TRAPPC12: variants seen among roughly 807,000 people sequenced by gnomAD.
TRAPPC12 encodes TPR repeat protein 15.
A neutral mutation model predicts 69.2 loss-of-function variants in TRAPPC12; 61 were observed. That is an observed-to-expected ratio of 0.88 (90% CI 0.72 to 1.09). The LOEUF (loss-of-function observed/expected upper bound fraction) is 1.09, where lower values mean the gene tolerates loss of function less well. TRAPPC12 is among the 50% of genes least tolerant of loss of function. The pLI, the probability that TRAPPC12 is intolerant of heterozygous loss-of-function variation, is 0.00. For synonymous variants in TRAPPC12, 469 were observed against 438.9 expected, an observed-to-expected ratio of 1.07 and a Z score of -0.86; for missense variants, 1,101 against 1,016.4, an observed-to-expected ratio of 1.08 and a Z score of -1.13.
At chr2:3,442,326 A>T (rs62120511) in intron 5 of TRAPPC12, among the ~76,000 whole-genome samples, 23,539 of 152,188 alleles carry the variant, frequency 0.15, 2,100 homozygotes, top group Non-Finnish European at 0.2. Context: ...ACCACACAGG[A>T]GTGATTCTGG....
chr2:3,426,318 C>T (rs1424150160), intron 5 of TRAPPC12, among the ~76,000 whole-genome samples: 1 of 152,212 alleles, frequency 6.6e-6, no homozygotes, highest in African/African-American at 2.4e-5. Flanking sequence ...GCTAGGTAGC[C>T]ACAGAGTCAA....
chr2:3,466,129 G>T, intron 9 of TRAPPC12: 4 of 405,896 alleles, frequency 9.9e-6, no homozygotes, highest in South Asian at 7.3e-5. Flanking sequence ...CACAAAGCTC[G>T]GCAGGACCCC....
intron 9 of TRAPPC12, among the ~76,000 whole-genome samples, chr2:3,473,077 T>TCAAG (rs901025309): frequency 2.0e-5 from 3 of 152,162 alleles, no homozygotes; most frequent in African/African-American, 7.2e-5. Flanking sequence ...GAAGGCAAGG[T>TCAAG]CAAGCTTGTC....
chr2:3,445,950 C>T (rs533830201), intron 6 of TRAPPC12, among the ~76,000 whole-genome samples: 261 of 152,346 alleles, frequency 1.7e-3, no homozygotes, highest in Non-Finnish European at 3.1e-3. Flanking sequence ...CTGGGCTGGG[C>T]CCTCCTGAGA....
chr2:3,420,794 C>T (rs1055913361), intron 3 of TRAPPC12, among the ~76,000 whole-genome samples: 3 of 152,054 alleles, frequency 2.0e-5, no homozygotes, highest in South Asian at 2.1e-4. Context: ...GTGCAGGAGG[C>T]GTGGAAAGGG....
rs887489481 is a variant in TRAPPC12 at position 3,387,615 on chromosome 2, T to G, written c.-4-5T>G. ...CAGGGGCCTTCTCTCTGTCTTTGCT[T>G]TCAGGGTCATGGAGGACGCTGGCGG... On this transcript the variant is annotated splice_region_variant and splice_polypyrimidine_tract_variant and intron_variant, in intron 1 of 11. Transcript: ENST00000324266. 2 of 1,522,938 alleles carry G rather than the reference T, an allele frequency of 1.3e-6. No homozygotes were observed. The highest frequency in any genetic ancestry group is 2.8e-5 in the African/African-American group (2 of 71,816). 94.3% of individuals were successfully genotyped at this position (1,522,938 alleles called of 1,614,324 possible).
intron 2 of TRAPPC12, among the ~76,000 whole-genome samples, chr2:3,400,768 ACT>A (rs1349542351): frequency 6.6e-6 from 1 of 152,052 alleles, no homozygotes; most frequent in Non-Finnish European, 1.5e-5. Flanking sequence ...CATACAACAG[ACT>A]TGGTAACTTC....
chr2:3,459,305 G>C (rs550453608), intron 7 of TRAPPC12, among the ~76,000 whole-genome samples: 1 of 152,242 alleles, frequency 6.6e-6, no homozygotes, highest in Non-Finnish European at 1.5e-5. Flanking sequence ...CAGCACAGGC[G>C]CAAGGAGCGC....
chr2:3,441,694 TATA>T (rs1339195394), intron 5 of TRAPPC12, among the ~76,000 whole-genome samples: 1 of 149,778 alleles, frequency 6.7e-6, no homozygotes, highest in African/African-American at 2.4e-5. Flanking sequence ...TTTATTTTCT[TATA>T]ATAAAATAAT....
chr2:3,409,750 TAAAAAAAAAAAAAAA>T (rs71396989), intron 3 of TRAPPC12, among the ~76,000 whole-genome samples: 6 of 54,914 alleles, frequency 1.1e-4, no homozygotes, highest in East Asian at 4.6e-4. Flanking sequence ...ACTTTGTCTT[TAAAAAAAAAAAAAAA>T]AAAAAAAAAA....
intron 3 of TRAPPC12, among the ~76,000 whole-genome samples, chr2:3,404,307 T>C (rs1661610958): frequency 6.6e-6 from 1 of 152,192 alleles, no homozygotes; most frequent in African/African-American, 2.4e-5. Flanking sequence ...TAGTGTTCTA[T>C]TGTCAGCAGA....
intron 5 of TRAPPC12, among the ~76,000 whole-genome samples, chr2:3,433,332 G>T (rs1663555108): frequency 6.6e-6 from 1 of 152,254 alleles, no homozygotes. Flanking sequence ...AAACTTGTAA[G>T]TTTGTGCCTT....
Position 3,443,900 on chromosome 2 carries a change from C to T in TRAPPC12, c.1530+9C>T, listed in dbSNP as rs373873784. The T allele has an allele frequency of 4.5e-5, 72 of 1,603,224 alleles. No homozygotes were observed. Among genetic ancestry groups the T allele is most frequent in the Non-Finnish European group, 5.5e-5 (64 of 1,170,938 alleles). On this transcript the variant is annotated intron_variant, in intron 6 of 11. Transcript: ENST00000324266. The stretch of plus-strand genomic sequence containing the variant: ...AGACTGTCTGCAGCAAGGTAGGTGG[C>T]GCTGTCATTCTTCCCTGCCACGGGG...
chr2:3,457,858 A>T (rs923939961), intron 7 of TRAPPC12, 165 bp downstream of exon 7: 8 of 1,445,226 alleles, frequency 5.5e-6, no homozygotes, highest in Non-Finnish European at 7.3e-6. Context: ...AGCCAAGCAC[A>T]TCACTGGGTG....
At chr2:3,478,659 G>A (rs1226557618) in intron 10 of TRAPPC12, 187 bp from the exon 11 acceptor site, 4 of 557,354 alleles carry the variant, frequency 7.2e-6, no homozygotes, top group Non-Finnish European at 1.3e-5. Context: ...ATAAAAACTA[G>A]AGTGGCTTTA....
At chr2:3,409,548 A>C (rs1180579862) in intron 3 of TRAPPC12, among the ~76,000 whole-genome samples, 1 of 152,056 alleles carries the variant, frequency 6.6e-6, no homozygotes, top group African/African-American at 2.4e-5. Flanking sequence ...TAGGAGTTCA[A>C]GATCAGCCCG....
At chr2:3,393,915 C>G (rs1468717196) in intron 2 of TRAPPC12, among the ~76,000 whole-genome samples, 1 of 152,240 alleles carries the variant, frequency 6.6e-6, no homozygotes, top group Non-Finnish European at 1.5e-5. Flanking sequence ...ATCTGTGGCT[C>G]TATTTTCTTC....
At chr2:3,407,783 A>G (rs1196221584) in intron 3 of TRAPPC12, among the ~76,000 whole-genome samples, 1 of 152,124 alleles carries the variant, frequency 6.6e-6, no homozygotes, top group Admixed American at 6.6e-5. Context: ...GCGACAGAGC[A>G]AGACTCCGTT....
At chr2:3,399,808 T>TCCCC (rs1413817941) in intron 2 of TRAPPC12, among the ~76,000 whole-genome samples, 4 of 136,854 alleles carry the variant, frequency 2.9e-5, no homozygotes, top group Non-Finnish European at 4.7e-5. Flanking sequence ...TTTCCCCCGC[T>TCCCC]CCCCCCGCCA....
Sources: gnomAD v4.1 joint callset for allele counts (sites outside exome capture counted in the v4.1 genomes callset) on GRCh38, gnomAD v4.1.1 for gene constraint, MANE v1.5 for transcripts, NCBI Gene and HGNC (gene_info 2026-07-23, HGNC 2026-07-21) for gene names.